Variants in ZFPM2 observed in about 807,000 individuals in gnomAD.
ZFPM2 encodes the protein zinc finger protein, FOG family member 2.
Under a neutral mutation model 98.6 loss-of-function variants are expected in ZFPM2, and 20 were observed. The observed-to-expected ratio is 0.20, with a 90% confidence interval of 0.14 to 0.29. The LOEUF is 0.29. Among genes scored for constraint, ZFPM2 ranks in the 10% least tolerant of loss-of-function variants. The pLI is 1.00. For synonymous variants in ZFPM2, 518 were observed against 502.7 expected, an observed-to-expected ratio of 1.03 and a Z score of -0.41; for missense variants, 1,310 against 1,388.6, an observed-to-expected ratio of 0.94 and a Z score of 0.90.
intron 4 of ZFPM2, among the ~76,000 whole-genome samples, chr8:105,602,030 G>A (rs1430748020): frequency 1.3e-5 from 2 of 151,848 alleles, no homozygotes; most frequent in African/African-American, 2.4e-5. Flanking sequence ...TTCCTCTCAC[G>A]TCCAACTGCT....
At chr8:105,644,291 T>G (rs1816999141) in intron 5 of ZFPM2, among the ~76,000 whole-genome samples, 1 of 143,280 alleles carries the variant, frequency 7.0e-6, no homozygotes, top group Non-Finnish European at 1.5e-5. Context: ...TTCTTTTTTT[T>G]TTTTTTAAAA....
At chr8:105,693,465 G>T (rs1166795918) in intron 5 of ZFPM2, among the ~76,000 whole-genome samples, 4 of 152,152 alleles carry the variant, frequency 2.6e-5, no homozygotes, top group African/African-American at 9.7e-5. Flanking sequence ...TTTATTTGTT[G>T]TTGTTTCTTT....
intron 5 of ZFPM2, chr8:105,737,690 A>G (rs11777373): frequency 0.037 from 5,588 of 152,234 alleles, 161 homozygotes; most frequent in Non-Finnish European, 0.057. Flanking sequence ...GTGAGAGCAG[A>G]CATGGGACCT....
In ZFPM2 at chr8:105,318,743, C is replaced by T. The variant is rs1811954962; in HGVS notation, c.-199C>T. Reference sequence around the variant, plus strand: ...CACTCTCTGTGCCCCCGTCTCTCTTCTCTCATTTGCTTGCTCATCTCCGAA... The same window carrying T: ...CACTCTCTGTGCCCCCGTCTCTCTTTTCTCATTTGCTTGCTCATCTCCGAA... On this transcript the variant is annotated 5_prime_UTR_variant, in exon 1 of 8. Transcript: ENST00000407775. The T allele has an allele frequency of 6.5e-6, 1 of 154,838 alleles. No individual in the cohort carries two copies. The highest frequency in any genetic ancestry group is 1.8e-4 in the South Asian group (1 of 5,656). 9.6% of individuals were successfully genotyped at this position (154,838 alleles called of 1,614,324 possible).
At chr8:105,626,040 T>C (rs1816648132) in intron 4 of ZFPM2, among the ~76,000 whole-genome samples, 1 of 151,586 alleles carries the variant, frequency 6.6e-6, no homozygotes, top group African/African-American at 2.4e-5. Flanking sequence ...GAAAGAAAGC[T>C]CTTTTGCCTC....
chr8:105,500,962 A>T (rs140335748), intron 3 of ZFPM2, among the ~76,000 whole-genome samples: 1 of 151,952 alleles, frequency 6.6e-6, no homozygotes, highest in Non-Finnish European at 1.5e-5. Flanking sequence ...GTTTACTTCT[A>T]TAATGATTTC....
intron 3 of ZFPM2, among the ~76,000 whole-genome samples, chr8:105,456,528 C>G (rs1812596493): frequency 6.6e-6 from 1 of 151,890 alleles, no homozygotes; most frequent in East Asian, 1.9e-4. Context: ...CTTATTTTTG[C>G]CTAAGAATTT....
intron 4 of ZFPM2, among the ~76,000 whole-genome samples, chr8:105,569,691 T>C (rs539490393): frequency 6.6e-6 from 1 of 152,280 alleles, no homozygotes; most frequent in African/African-American, 2.4e-5. Flanking sequence ...TTATGATTTG[T>C]TTACAACAGA....
chr8:105,712,590 G>A (rs912273643), intron 5 of ZFPM2, among the ~76,000 whole-genome samples: 1 of 151,968 alleles, frequency 6.6e-6, no homozygotes, highest in Non-Finnish European at 1.5e-5. Flanking sequence ...GATTCAAGGA[G>A]TGCAGTGGTA....
chr8:105,411,088 T>A (rs954937381), intron 1 of ZFPM2, among the ~76,000 whole-genome samples: 3 of 151,982 alleles, frequency 2.0e-5, no homozygotes, highest in East Asian at 3.9e-4. Context: ...CTAGATTTTT[T>A]TAAAATTTGC....
chr8:105,384,572 C>T (rs1162821834), intron 1 of ZFPM2, among the ~76,000 whole-genome samples: 1 of 151,708 alleles, frequency 6.6e-6, no homozygotes, highest in African/African-American at 2.4e-5. Flanking sequence ...TTCCTGATCC[C>T]ATCACATTGT....
intron 5 of ZFPM2, among the ~76,000 whole-genome samples, chr8:105,704,505 C>T (rs1811212667): frequency 6.6e-6 from 1 of 152,126 alleles, no homozygotes. Context: ...TTCGCTCTTC[C>T]AACCCCCACC....
At chr8:105,674,314 G>T (rs951442252) in intron 5 of ZFPM2, among the ~76,000 whole-genome samples, 2 of 152,126 alleles carry the variant, frequency 1.3e-5, no homozygotes, top group African/African-American at 2.4e-5. Context: ...TGAGAGAGAG[G>T]GTTTGACTCA....
chr8:105,695,386 T>TTC (rs1342242679), intron 5 of ZFPM2, among the ~76,000 whole-genome samples: 53 of 130,120 alleles, frequency 4.1e-4, no homozygotes, highest in African/African-American at 1.3e-3. Flanking sequence ...GTATTTTTTT[T>TTC]TTTTTTTTTT....
intron 1 of ZFPM2, among the ~76,000 whole-genome samples, chr8:105,353,852 A>T (rs1812692774): frequency 6.6e-6 from 1 of 152,144 alleles, no homozygotes; most frequent in African/African-American, 2.4e-5. Flanking sequence ...AATTATGAAA[A>T]GTTGTTTGTT....
At chr8:105,543,391 C>A (rs552998024) in intron 3 of ZFPM2, among the ~76,000 whole-genome samples, 1 of 152,028 alleles carries the variant, frequency 6.6e-6, no homozygotes, top group South Asian at 2.1e-4. Flanking sequence ...GAGGCTGAGG[C>A]GGGAGGATCA....
chr8:105,381,244 T>C (rs964198267), intron 1 of ZFPM2, among the ~76,000 whole-genome samples: 1 of 151,716 alleles, frequency 6.6e-6, no homozygotes, highest in African/African-American at 2.4e-5. Flanking sequence ...TGTCCCTGGA[T>C]GAAGGTTCAT....
intron 5 of ZFPM2, among the ~76,000 whole-genome samples, chr8:105,755,167 A>G (rs895490273): frequency 6.6e-6 from 1 of 152,084 alleles, no homozygotes; most frequent in African/African-American, 2.4e-5. Context: ...CATATAAGAG[A>G]AGCATTGGAA....
chr8:105,333,270 G>A (rs1308821050), intron 1 of ZFPM2, among the ~76,000 whole-genome samples: 1 of 151,682 alleles, frequency 6.6e-6, no homozygotes, highest in African/African-American at 2.4e-5. Context: ...GTAGCTGATG[G>A]CTAAAACCAT....
Sources: gnomAD v4.1 joint callset for allele counts (sites outside exome capture counted in the v4.1 genomes callset) on GRCh38, gnomAD v4.1.1 for gene constraint, MANE v1.5 for transcripts, NCBI Gene and HGNC (gene_info 2026-07-23, HGNC 2026-07-21) for gene names.